Variants in AFF3 observed in about 807,000 individuals in gnomAD.
AFF3 encodes the protein ALF transcription elongation factor 3.
AFF3 carries 32 observed loss-of-function variants against 129.7 expected under a neutral mutation model. The observed-to-expected ratio is 0.25, with a 90% CI of 0.19 to 0.33. The LOEUF (loss-of-function observed/expected upper bound fraction) is 0.33, where lower values mean the gene tolerates loss of function less well. Ranked by LOEUF, AFF3 falls within the 10% of genes least tolerant of loss-of-function variation. AFF3 has a pLI of 1.00. For missense variants in AFF3, 1,373 were observed against 1,592.0 expected, an observed-to-expected ratio of 0.86 and a Z score of 2.34; for synonymous variants, 644 against 635.4, an observed-to-expected ratio of 1.01 and a Z score of -0.20.
chr2:99,729,629 A>C (rs1378330098), intron 10 of AFF3, among the ~76,000 whole-genome samples: 1 of 152,216 alleles, frequency 6.6e-6, no homozygotes, highest in Non-Finnish European at 1.5e-5. Context: ...GAAATGTTTA[A>C]GTGTATACAC....
intron 7 of AFF3, among the ~76,000 whole-genome samples, chr2:100,003,323 T>C (rs60473748): frequency 0.14 from 21,631 of 152,174 alleles, 2,152 homozygotes; most frequent in East Asian, 0.5. Context: ...TGCGTGTGTG[T>C]GTGAACAAAA....
At chr2:100,134,405 G>C (rs1164365517) in intron 1 of AFF3, among the ~76,000 whole-genome samples, 1 of 152,066 alleles carries the variant, frequency 6.6e-6, no homozygotes, top group Non-Finnish European at 1.5e-5. Flanking sequence ...ATTTGACAGA[G>C]CTCCTTATAT....
chr2:99,889,735 C>T (rs528066344), intron 7 of AFF3, among the ~76,000 whole-genome samples: 3 of 152,222 alleles, frequency 2.0e-5, no homozygotes, highest in Admixed American at 6.5e-5. Flanking sequence ...CTCAGCTCAC[C>T]GCAACCTCTG....
chr2:100,085,161 A>C (rs1313830895), intron 4 of AFF3, among the ~76,000 whole-genome samples: 2 of 145,274 alleles, frequency 1.4e-5, no homozygotes, highest in Non-Finnish European at 3.0e-5. Context: ...ATTAATTGTG[A>C]TGCAATTACA....
intron 13 of AFF3, chr2:99,631,078 G>A: frequency 2.6e-6 from 1 of 390,976 alleles, no homozygotes. Context: ...CACGGAGTGG[G>A]GCTCAGGCAG....
chr2:100,011,719 G>A (rs1207301604), intron 4 of AFF3: 1 of 648,602 alleles, frequency 1.5e-6, no homozygotes, highest in African/African-American at 1.8e-5. Flanking sequence ...CGGGAGGCAA[G>A]CTGAACAAAG....
At chr2:99,702,702 G>A (rs1676982144) in intron 11 of AFF3, among the ~76,000 whole-genome samples, 2 of 152,190 alleles carry the variant, frequency 1.3e-5, no homozygotes, top group South Asian at 4.1e-4. Context: ...TTTGCCATCT[G>A]TATATTCACT....
chr2:100,107,841 T>C (rs945031124), intron 2 of AFF3, among the ~76,000 whole-genome samples: 1 of 152,184 alleles, frequency 6.6e-6, no homozygotes, highest in Non-Finnish European at 1.5e-5. Flanking sequence ...TCCCTTCAGA[T>C]ATGATTTGAT....
chr2:99,624,643 T>C (rs1682368437), intron 13 of AFF3, among the ~76,000 whole-genome samples: 1 of 151,840 alleles, frequency 6.6e-6, no homozygotes, highest in African/African-American at 2.4e-5. Context: ...AATAGAAAAA[T>C]CTCCTCAGCC....
chr2:99,819,884 G>T (rs1687518135), intron 8 of AFF3, among the ~76,000 whole-genome samples: 1 of 152,212 alleles, frequency 6.6e-6, no homozygotes, highest in South Asian at 2.1e-4. Context: ...CCCTCCTGGG[G>T]AAGAGGACAG....
chr2:100,010,009 A>C (rs1682367750), intron 4 of AFF3, among the ~76,000 whole-genome samples: 1 of 152,094 alleles, frequency 6.6e-6, no homozygotes, highest in Admixed American at 6.6e-5. Context: ...GGGAGTTGGC[A>C]CACTCACCTG....
chr2:99,843,251 T>C (rs1278269821), intron 7 of AFF3, among the ~76,000 whole-genome samples: 2 of 152,212 alleles, frequency 1.3e-5, no homozygotes, highest in African/African-American at 4.8e-5. Flanking sequence ...TAGGGCCACC[T>C]GTGAACAGAG....
At chr2:99,697,951 A>G (rs901918375) in intron 11 of AFF3, among the ~76,000 whole-genome samples, 1 of 152,242 alleles carries the variant, frequency 6.6e-6, no homozygotes, top group African/African-American at 2.4e-5. Flanking sequence ...CACCTGCATC[A>G]TAAGGTCTCA....
chr2:100,070,047 T>C (rs1389025245), intron 4 of AFF3, among the ~76,000 whole-genome samples: 1 of 152,188 alleles, frequency 6.6e-6, no homozygotes, highest in Non-Finnish European at 1.5e-5. Context: ...AGTTCTTTAA[T>C]TGTGAAGTTG....
chr2:99,560,504 T>C (rs1575352487), intron 20 of AFF3, 68 bp from the exon 21 acceptor site: 3 of 1,450,060 alleles, frequency 2.1e-6, no homozygotes, highest in Non-Finnish European at 2.9e-6. Context: ...AAAACTAGCT[T>C]TTTTATTAAC....
intron 12 of AFF3, among the ~76,000 whole-genome samples, chr2:99,658,811 G>A (rs900414091): frequency 1.3e-5 from 2 of 152,108 alleles, no homozygotes; most frequent in Non-Finnish European, 2.9e-5. Flanking sequence ...AGGGGACTAG[G>A]TGAATTCTGA....
intron 4 of AFF3, among the ~76,000 whole-genome samples, chr2:100,037,504 A>G (rs192701330): frequency 0.13 from 7,527 of 57,962 alleles, 659 homozygotes; most frequent in Middle Eastern, 0.19. Context: ...ATATAAATAT[A>G]TATTTATATT....
intron 14 of AFF3, 83 bp downstream of exon 14, chr2:99,601,350 AGT>A: frequency 7.1e-7 from 1 of 1,410,724 alleles, no homozygotes; most frequent in Non-Finnish European, 9.3e-7. Flanking sequence ...GACCTGCAGC[AGT>A]GTGACAGTGA....
At chr2:99,938,013 A>G (rs1674685478) in intron 7 of AFF3, among the ~76,000 whole-genome samples, 2 of 152,196 alleles carry the variant, frequency 1.3e-5, no homozygotes, top group South Asian at 4.1e-4. Flanking sequence ...TCCTGGCTCC[A>G]TCATTCAGAG....
Sources: allele counts gnomAD v4.1 joint callset (sites outside exome capture counted in the v4.1 genomes callset), GRCh38; gene constraint gnomAD v4.1.1; transcripts MANE v1.5; gene names NCBI Gene and HGNC (gene_info 2026-07-23, HGNC 2026-07-21).